Variants in TNPO1 observed in about 807,000 individuals in gnomAD.
TNPO1 encodes the protein transportin-1.
TNPO1 carries 8 observed loss-of-function variants against 119.5 expected under a neutral mutation model. The ratio of observed to expected loss-of-function variants is 0.07; its 90% confidence interval spans 0.04 to 0.12. The LOEUF (loss-of-function observed/expected upper bound fraction) is 0.12. Among genes scored for constraint, TNPO1 ranks in the 10% least tolerant of loss-of-function variants. TNPO1 has a pLI of 1.00. For missense variants in TNPO1, 576 were observed against 1,089.8 expected (o/e 0.53, Z 6.64); for synonymous variants, 362 against 363.0 (o/e 1.00, Z 0.03).
intron 3 of TNPO1, among the ~76,000 whole-genome samples, chr5:72,854,234 T>C (rs998028187): frequency 6.6e-6 from 1 of 152,236 alleles, no homozygotes; most frequent in Non-Finnish European, 1.5e-5. Flanking sequence ...TGTTTTGTTT[T>C]GGTTTGAGAC....
intron 4 of TNPO1, among the ~76,000 whole-genome samples, chr5:72,858,284 G>GCA (rs1561315518): frequency 5.3e-5 from 8 of 152,186 alleles, no homozygotes; most frequent in African/African-American, 1.9e-4. Flanking sequence ...GCTAGTTAAT[G>GCA]GATACATTTA....
At chr5:72,885,320 A>C (rs1302688323) in intron 11 of TNPO1, among the ~76,000 whole-genome samples, 4 of 152,314 alleles carry the variant, frequency 2.6e-5, no homozygotes, top group Non-Finnish European at 5.9e-5. Flanking sequence ...TACTATTACA[A>C]ATTACTTCCC....
intron 9 of TNPO1, among the ~76,000 whole-genome samples, chr5:72,877,768 T>G (rs747806987): frequency 6.6e-6 from 1 of 152,142 alleles, no homozygotes; most frequent in South Asian, 2.1e-4. Context: ...TAAAGTAATA[T>G]AAGCTCGTGG....
chr5:72,858,350 G>A (rs1253780474), intron 4 of TNPO1, among the ~76,000 whole-genome samples: 1 of 152,000 alleles, frequency 6.6e-6, no homozygotes, highest in Non-Finnish European at 1.5e-5. Flanking sequence ...ATTTTAAAAA[G>A]TCTGTAATAT....
intron 21 of TNPO1, 150 bp from the exon 22 acceptor site, chr5:72,900,824 T>A: frequency 2.3e-6 from 1 of 443,810 alleles, no homozygotes; most frequent in East Asian, 3.5e-5. Flanking sequence ...ACAGGAAGTA[T>A]GAGTAAACGA....
At position 72,913,262 on chromosome 5, in the gene TNPO1, C is replaced by T. The variant is rs1750679576; in HGVS notation, c.*4589C>T. 6.6e-6 allele frequency: 1 copy of T among 152,422 alleles called. No individual in the cohort carries two copies. Among genetic ancestry groups the T allele is most frequent in the African/African-American group, 2.4e-5 (1 of 41,424 alleles). The allele number at this position is 152,422 out of a possible 1,614,324, so 9.4% of individuals were successfully genotyped here. ...TTACATAAAAGTTAGTTTTATTCAC[C>T]TTTAGGCTTTCCAAGTGAATTGTGA... On this transcript the variant is annotated 3_prime_UTR_variant, in exon 25 of 25. Coordinates refer to ENST00000337273, the MANE Select transcript of TNPO1 (RefSeq NM_002270.4).
intron 10 of TNPO1, 130 bp from the exon 11 acceptor site, chr5:72,882,934 A>T (rs1748355697): frequency 5.6e-6 from 4 of 719,914 alleles, no homozygotes; most frequent in Non-Finnish European, 9.6e-6. Context: ...CGTGGTTCTT[A>T]ATCACTCTGG....
Position 72,909,646 on chromosome 5 carries a change from C to T in TNPO1, c.*973C>T, listed in dbSNP as rs1055394595. On this transcript the variant is annotated 3_prime_UTR_variant, in exon 25 of 25. Coordinates refer to ENST00000337273, the MANE Select transcript of TNPO1 (RefSeq NM_002270.4). ...GATTGGTATTCATTTACCTATGTTGCGCCAGTTTGTGTTGCAGTTTACCAA... is the reference window on the plus strand; with the variant it reads ...GATTGGTATTCATTTACCTATGTTGTGCCAGTTTGTGTTGCAGTTTACCAA... The T allele has an allele frequency of 2.6e-5, 4 of 152,426 alleles. No homozygotes were observed. Among genetic ancestry groups the T allele is most frequent in the African/African-American group, 9.7e-5 (4 of 41,396 alleles). The allele number at this position is 152,426 out of a possible 1,614,324, so 9.4% of individuals were successfully genotyped here. A position where few individuals can be genotyped will look rare whatever the true frequency, so the allele number is the denominator to read the frequency against.
intron 11 of TNPO1, among the ~76,000 whole-genome samples, chr5:72,886,076 C>A (rs1188509566): frequency 6.6e-6 from 1 of 151,712 alleles, no homozygotes; most frequent in Non-Finnish European, 1.5e-5. Context: ...GGCCCCACCT[C>A]CCATCTTCGT....
At position 72,910,716 on chromosome 5, in the gene TNPO1, CTG is replaced by C. The variant is rs1355510330; in HGVS notation, c.*2048_*2049del. Reference sequence around the variant, plus strand: ...TACAGCCATTGCACTGAAGTTTGAGCTGTGTGCGTGTGAATTTATACTGTTTC... The same window carrying C: ...TACAGCCATTGCACTGAAGTTTGAGCTGTGCGTGTGAATTTATACTGTTTC... On this transcript the variant is annotated 3_prime_UTR_variant, in exon 25 of 25. Coordinates refer to ENST00000337273, the MANE Select transcript of TNPO1 (RefSeq NM_002270.4). The C allele has an allele frequency of 6.6e-6, 1 of 152,220 alleles. No homozygotes were observed. Among genetic ancestry groups the C allele is most frequent in the Non-Finnish European group, 1.5e-5 (1 of 67,960 alleles). 9.4% of individuals were successfully genotyped at this position (152,220 alleles called of 1,614,324 possible).
chr5:72,819,266 A>G (rs1224350617), intron 1 of TNPO1, among the ~76,000 whole-genome samples: 6 of 152,158 alleles, frequency 3.9e-5, no homozygotes, highest in African/African-American at 1.4e-4. Flanking sequence ...AGGGAACTAA[A>G]TCATGTCCAC....
intron 15 of TNPO1, among the ~76,000 whole-genome samples, 185 bp from the exon 16 acceptor site, chr5:72,892,954 C>G (rs1406305401): frequency 1.5e-5 from 2 of 129,696 alleles, no homozygotes; most frequent in East Asian, 4.4e-4. Context: ...GATTGGCTGG[C>G]AAACTAACAA....
At chr5:72,818,920 A>G (rs1205457422) in intron 1 of TNPO1, among the ~76,000 whole-genome samples, 5 of 152,194 alleles carry the variant, frequency 3.3e-5, no homozygotes, top group African/African-American at 7.2e-5. Flanking sequence ...AGCCATTGCC[A>G]TGGTAAATCT....
chr5:72,865,802 A>G (rs1746842266), intron 6 of TNPO1, 73 bp downstream of exon 6: 1 of 1,453,444 alleles, frequency 6.9e-7, no homozygotes, highest in East Asian at 2.3e-5. Flanking sequence ...TCATTACCTA[A>G]TATTTTTGAC....
At chr5:72,864,631 CAG>C (rs1433476537) in intron 5 of TNPO1, among the ~76,000 whole-genome samples, 1 of 151,584 alleles carries the variant, frequency 6.6e-6, no homozygotes, top group Non-Finnish European at 1.5e-5. Context: ...TTTTTTGAGA[CAG>C]AGTTTTGCTT....
intron 1 of TNPO1, among the ~76,000 whole-genome samples, chr5:72,831,424 G>A (rs1325790042): frequency 1.3e-5 from 2 of 151,722 alleles, no homozygotes; most frequent in Non-Finnish European, 2.9e-5. Context: ...GTATTATTAT[G>A]TCTGATATAA....
In TNPO1 at chr5:72,863,050, G is replaced by T. The variant is rs569473074; in HGVS notation, c.462+1136G>T. Among the ~76,000 whole-genome samples the T allele has an allele frequency of 1.1e-4, 17 of 150,460 alleles. No homozygotes were observed. The South Asian group carries it at 2.1e-3, about 19-fold the overall frequency. On this transcript the variant is annotated intron_variant, in intron 5 of 24. Coordinates refer to ENST00000337273, the MANE Select transcript of TNPO1 (RefSeq NM_002270.4). ...TGGTTTTTTTTGTTGTTTTTTTGGG[G>T]TTTTTTTGCCACTGATTAGATCACT...
intron 13 of TNPO1, among the ~76,000 whole-genome samples, chr5:72,889,469 G>A (rs1748894650): frequency 6.6e-6 from 1 of 152,028 alleles, no homozygotes; most frequent in Non-Finnish European, 1.5e-5. Context: ...TATTCATTCA[G>A]TACCTCGGTT....
chr5:72,820,489 A>G (rs1341736254), intron 1 of TNPO1, among the ~76,000 whole-genome samples: 2 of 152,204 alleles, frequency 1.3e-5, no homozygotes, highest in Admixed American at 6.5e-5. Context: ...ACTAGACATC[A>G]TTTGTAGGCA....
Sources: allele counts gnomAD v4.1 joint callset (sites outside exome capture counted in the v4.1 genomes callset), GRCh38; gene constraint gnomAD v4.1.1; transcripts MANE v1.5; gene names NCBI Gene and HGNC (gene_info 2026-07-23, HGNC 2026-07-21).